The following RPS6KC1 variants were observed in gnomAD, a reference collection of about 807,000 sequenced individuals.
The protein encoded by RPS6KC1 is ribosomal protein S6 kinase C1, also known as inactive ribosomal protein S6 kinase delta-1.
In RPS6KC1, 54 loss-of-function variants were observed where a neutral mutation model predicts 103.8. The observed-to-expected ratio is 0.52, with a 90% confidence interval of 0.42 to 0.65. The LOEUF is 0.65. RPS6KC1 is among the 30% of genes least tolerant of loss of function. RPS6KC1 has a pLI of 0.00. For missense variants in RPS6KC1, 1,151 were observed against 1,253.8 expected, an observed-to-expected ratio of 0.92 and a Z score of 1.24; for synonymous variants, 439 against 438.7, an observed-to-expected ratio of 1.00 and a Z score of -0.01.
At chr1:213,404,894 C>T in the RPS6KC1 span, among the ~76,000 whole-genome samples, 1 of 152,360 alleles carries the variant, frequency 6.6e-6, no homozygotes, top group South Asian at 2.1e-4. Flanking sequence ...TGCAGAGTTT[C>T]TGTTTCAACA....
the RPS6KC1 span, among the ~76,000 whole-genome samples, chr1:213,718,209 C>G: frequency 1.3e-5 from 2 of 152,170 alleles, no homozygotes; most frequent in Non-Finnish European, 2.9e-5. Context: ...CTTTGGAAAC[C>G]CTTTGTTGCA....
At chr1:213,455,731 T>C in the RPS6KC1 span, among the ~76,000 whole-genome samples, 1 of 152,326 alleles carries the variant, frequency 6.6e-6, no homozygotes, top group African/African-American at 2.4e-5. Context: ...GAATATAAGC[T>C]ACAGAGGAGA....
the RPS6KC1 span, among the ~76,000 whole-genome samples, chr1:213,352,536 C>G: frequency 0.012 from 1,789 of 152,114 alleles, 39 homozygotes; most frequent in African/African-American, 0.041. Flanking sequence ...AAGTGAAGGT[C>G]TTTTTTCCCA....
At chr1:213,160,071 A>T (rs990454226) in intron 6 of RPS6KC1, among the ~76,000 whole-genome samples, 3 of 152,198 alleles carry the variant, frequency 2.0e-5, no homozygotes, top group African/African-American at 7.2e-5. Flanking sequence ...CTTTATAATT[A>T]AACTTTGTCA....
At chr1:213,541,572 TA>T in the RPS6KC1 span, among the ~76,000 whole-genome samples, 78 of 151,636 alleles carry the variant, frequency 5.1e-4, 2 homozygotes, top group South Asian at 0.015. Flanking sequence ...GCTTACTGAT[TA>T]AAAAAAAATC....
the RPS6KC1 span, among the ~76,000 whole-genome samples, chr1:213,314,357 T>C: frequency 1.3e-5 from 2 of 152,220 alleles, no homozygotes; most frequent in African/African-American, 4.8e-5. Context: ...GGGGACCCAA[T>C]TCAATCATAC....
At chr1:213,107,735 A>G (rs1322229563) in intron 4 of RPS6KC1, among the ~76,000 whole-genome samples, 4 of 152,236 alleles carry the variant, frequency 2.6e-5, no homozygotes, top group African/African-American at 7.2e-5. Flanking sequence ...ACTGTTTTCC[A>G]AACGGAAAAT....
chr1:213,248,597 CA>C (rs1408396965), intron 12 of RPS6KC1, among the ~76,000 whole-genome samples: 5 of 152,270 alleles, frequency 3.3e-5, no homozygotes, highest in Admixed American at 3.3e-4. Context: ...CTCAAGTTAA[CA>C]CAAGTCTTAC....
intron 8 of RPS6KC1, among the ~76,000 whole-genome samples, chr1:213,219,304 G>A (rs1008424538): frequency 6.6e-6 from 1 of 152,066 alleles, no homozygotes; most frequent in Non-Finnish European, 1.5e-5. Flanking sequence ...CAAAACCACA[G>A]TGAGATACCA....
the RPS6KC1 span, among the ~76,000 whole-genome samples, chr1:213,682,616 C>T: frequency 6.6e-6 from 1 of 152,168 alleles, no homozygotes; most frequent in Non-Finnish European, 1.5e-5. Flanking sequence ...GATCTGAGAT[C>T]TTCATTGTTA....
the RPS6KC1 span, among the ~76,000 whole-genome samples, chr1:213,399,625 C>T: frequency 2.6e-5 from 4 of 152,058 alleles, no homozygotes; most frequent in Non-Finnish European, 5.9e-5. Flanking sequence ...TGACAGCACA[C>T]GGGCCAATGG....
At chr1:213,630,697 T>A in the RPS6KC1 span, among the ~76,000 whole-genome samples, 1 of 152,342 alleles carries the variant, frequency 6.6e-6, no homozygotes, top group South Asian at 2.1e-4. Flanking sequence ...TTTTTCCCCA[T>A]CTTTGTGGTT....
At chr1:213,733,192 C>T in the RPS6KC1 span, among the ~76,000 whole-genome samples, 1 of 150,774 alleles carries the variant, frequency 6.6e-6, no homozygotes, top group Non-Finnish European at 1.5e-5. Context: ...TATGGTATTT[C>T]TATTTCTAGT....
chr1:213,094,931 C>T (rs764570073), intron 3 of RPS6KC1, among the ~76,000 whole-genome samples: 28 of 152,138 alleles, frequency 1.8e-4, no homozygotes, highest in Non-Finnish European at 3.1e-4. Flanking sequence ...ATAACCTTAG[C>T]CTTGCTTTAT....
chr1:213,755,263 G>A, the RPS6KC1 span, among the ~76,000 whole-genome samples: 1,261 of 152,300 alleles, frequency 8.3e-3, 16 homozygotes, highest in African/African-American at 0.029. Context: ...CAAAAGCTGC[G>A]AAAACTTTTG....
intron 12 of RPS6KC1, among the ~76,000 whole-genome samples, chr1:213,250,184 G>A (rs984263555): frequency 1.3e-5 from 2 of 152,188 alleles, no homozygotes; most frequent in Non-Finnish European, 2.9e-5. Context: ...CCGAAAAAGC[G>A]AATGCGTATT....
the RPS6KC1 span, among the ~76,000 whole-genome samples, chr1:213,296,360 A>G: frequency 6.6e-6 from 1 of 152,238 alleles, no homozygotes; most frequent in African/African-American, 2.4e-5. Context: ...TAAGAGGAAG[A>G]ACAAAGGCTT....
At chr1:213,515,468 AC>A in the RPS6KC1 span, among the ~76,000 whole-genome samples, 7 of 152,158 alleles carry the variant, frequency 4.6e-5, no homozygotes, top group African/African-American at 1.7e-4. Flanking sequence ...TTTTCCCAGC[AC>A]CATTTATTAA....
At chr1:213,437,186 C>G in the RPS6KC1 span, among the ~76,000 whole-genome samples, 1 of 151,844 alleles carries the variant, frequency 6.6e-6, no homozygotes, top group East Asian at 1.9e-4. Context: ...TTTAAAATTT[C>G]TAGATTGCAA....
Sources: allele counts gnomAD v4.1 joint callset (sites outside exome capture counted in the v4.1 genomes callset), GRCh38; gene constraint gnomAD v4.1.1; transcripts MANE v1.5; gene names NCBI Gene and HGNC (gene_info 2026-07-23, HGNC 2026-07-21).